The following RBFOX1 variants were observed in gnomAD, a reference collection of about 807,000 sequenced individuals.
RBFOX1 encodes RNA binding protein fox-1 homolog 1.
Under a neutral mutation model 57.7 loss-of-function variants are expected in RBFOX1, and 8 were observed. The ratio of observed to expected loss-of-function variants is 0.14; its 90% CI spans 0.08 to 0.25. The LOEUF is 0.25. Among genes scored for constraint, RBFOX1 ranks in the 10% least tolerant of loss-of-function variants. RBFOX1 has a pLI of 1.00. For missense variants in RBFOX1, 611 were observed against 548.5 expected, an observed-to-expected ratio of 1.11 and a Z score of -1.14; for synonymous variants, 326 against 222.4, an observed-to-expected ratio of 1.47 and a Z score of -4.15.
At chr16:5,892,937 G>A (rs1284592451) in intron 4 of RBFOX1, among the ~76,000 whole-genome samples, 1 of 152,278 alleles carries the variant, frequency 6.6e-6, no homozygotes, top group East Asian at 1.9e-4. Flanking sequence ...TTACCCTAAA[G>A]CTGGCCTTCT....
At chr16:7,317,555 A>G (rs1331579871) in intron 4 of RBFOX1, among the ~76,000 whole-genome samples, 1 of 152,136 alleles carries the variant, frequency 6.6e-6, no homozygotes, top group African/African-American at 2.4e-5. Flanking sequence ...ACCAAAGACA[A>G]AGGCACTCAC....
intron 1 of RBFOX1, among the ~76,000 whole-genome samples, chr16:5,353,528 T>C (rs533359338): frequency 6.6e-6 from 1 of 152,146 alleles, no homozygotes; most frequent in African/African-American, 2.4e-5. Context: ...GCAGGATGGA[T>C]TTATGTGAAT....
chr16:6,210,277 A>G (rs1349723022), intron 1 of RBFOX1, among the ~76,000 whole-genome samples: 1 of 143,554 alleles, frequency 7.0e-6, no homozygotes, highest in Admixed American at 7.2e-5. Flanking sequence ...GAGATCACGC[A>G]TTGCATTCCG....
intron 2 of RBFOX1, among the ~76,000 whole-genome samples, chr16:6,388,177 A>C (rs1327639450): frequency 6.6e-6 from 1 of 152,016 alleles, no homozygotes; most frequent in African/African-American, 2.4e-5. Context: ...CTTGTTAACC[A>C]GGATGGTCTT....
intron 4 of RBFOX1, among the ~76,000 whole-genome samples, chr16:7,297,465 C>A (rs184963074): frequency 4.6e-5 from 7 of 152,150 alleles, no homozygotes; most frequent in Non-Finnish European, 8.8e-5. Context: ...AGAAGTTATG[C>A]TGTAAACGGA....
rs556468065 is a variant in RBFOX1, at chr16:6,656,290, GT to G, written c.-16+1644del. Among the ~76,000 whole-genome samples the G allele has an allele frequency of 5.9e-5, 9 of 152,258 alleles. No homozygotes were observed. In the South Asian group the frequency reaches 1.7e-3, roughly 28 times the overall value. On this transcript the variant is annotated intron_variant, in intron 3 of 15. Coordinates refer to ENST00000550418, the MANE Select transcript of RBFOX1 (RefSeq NM_018723.4). ...GGACTTTTATGGAATTCATCAACAT[GT>G]TTTGTCCGGTATCTTTTTTAAAAAT...
intron 2 of RBFOX1, among the ~76,000 whole-genome samples, chr16:5,505,974 C>G (rs2043364414): frequency 6.6e-6 from 1 of 152,100 alleles, no homozygotes; most frequent in African/African-American, 2.4e-5. Context: ...CCGCATTGAC[C>G]CAGATTGTGT....
At chr16:7,516,436 G>A (rs1048429613) in intron 4 of RBFOX1, among the ~76,000 whole-genome samples, 6 of 152,156 alleles carry the variant, frequency 3.9e-5, no homozygotes, top group African/African-American at 1.4e-4. Flanking sequence ...GCTGAAAGTG[G>A]GACTGTCCCC....
At chr16:7,171,492 C>A (rs989304781) in intron 4 of RBFOX1, among the ~76,000 whole-genome samples, 1 of 152,184 alleles carries the variant, frequency 6.6e-6, no homozygotes, top group Non-Finnish European at 1.5e-5. Context: ...AAAGAGATTT[C>A]TTTCAGTGTG....
chr16:6,321,338 C>G (rs1215767913), intron 2 of RBFOX1, among the ~76,000 whole-genome samples: 2 of 152,080 alleles, frequency 1.3e-5, no homozygotes, highest in African/African-American at 2.4e-5. Context: ...AATACAGGGG[C>G]TAGGTCAGAA....
chr16:6,774,047 C>G, intron 3 of RBFOX1: 4 of 959,292 alleles, frequency 4.2e-6, no homozygotes, highest in Non-Finnish European at 3.7e-6. Context: ...CCTGTAAATG[C>G]TCATTGGCTT....
chr16:6,021,784 C>G (rs1201906801), intron 1 of RBFOX1, among the ~76,000 whole-genome samples: 1 of 152,214 alleles, frequency 6.6e-6, no homozygotes, highest in East Asian at 1.9e-4. Context: ...CCTCTCTGAG[C>G]TTCGGGTTGT....
intron 1 of RBFOX1, among the ~76,000 whole-genome samples, chr16:6,172,305 G>T (rs913316097): frequency 1.3e-5 from 2 of 151,790 alleles, no homozygotes; most frequent in African/African-American, 4.8e-5. Flanking sequence ...TCTTCTGCAA[G>T]TTGCTCTGGT....
intron 3 of RBFOX1, among the ~76,000 whole-genome samples, chr16:7,035,800 G>C (rs1008606200): frequency 2.7e-5 from 4 of 150,532 alleles, no homozygotes; most frequent in African/African-American, 1.0e-4. Flanking sequence ...CCTTAAGTTG[G>C]GGGTTTTAAG....
chr16:7,335,474 G>C (rs532108720), intron 4 of RBFOX1, among the ~76,000 whole-genome samples: 4 of 151,390 alleles, frequency 2.6e-5, no homozygotes, highest in Non-Finnish European at 5.9e-5. Context: ...ACTTTTCAAG[G>C]TCTTTCCAAC....
intron 4 of RBFOX1, among the ~76,000 whole-genome samples, chr16:5,897,851 A>G (rs1274138480): frequency 8.2e-6 from 1 of 121,966 alleles, no homozygotes. Context: ...TTTTTTTTTG[A>G]GCAGACTAGT....
intron 3 of RBFOX1, among the ~76,000 whole-genome samples, chr16:6,815,447 C>T (rs560394751): frequency 6.6e-6 from 1 of 152,182 alleles, no homozygotes. Flanking sequence ...CTGGTTCAAA[C>T]ACCTCTGACA....
intron 4 of RBFOX1, among the ~76,000 whole-genome samples, chr16:7,231,145 G>A (rs566926031): frequency 6.6e-6 from 1 of 152,234 alleles, no homozygotes; most frequent in South Asian, 2.1e-4. Context: ...TTGTCTCCAT[G>A]GTAGACAAGA....
intron 4 of RBFOX1, among the ~76,000 whole-genome samples, chr16:7,229,239 T>C (rs1029415274): frequency 1.3e-5 from 2 of 152,216 alleles, no homozygotes; most frequent in Non-Finnish European, 2.9e-5. Flanking sequence ...TGCAATCTTC[T>C]GCAAGACACT....
Sources: gnomAD v4.1 joint callset for allele counts (sites outside exome capture counted in the v4.1 genomes callset) on GRCh38, gnomAD v4.1.1 for gene constraint, MANE v1.5 for transcripts, NCBI Gene and HGNC (gene_info 2026-07-23, HGNC 2026-07-21) for gene names.